The following CGNL1 variants were observed in gnomAD, a reference collection of about 807,000 sequenced individuals.
CGNL1 encodes cingulin-like protein 1.
A neutral mutation model predicts 141.2 loss-of-function variants in CGNL1; 132 were observed. The observed-to-expected ratio is 0.93, with a 90% CI of 0.81 to 1.08. The LOEUF (loss-of-function observed/expected upper bound fraction) is 1.08. CGNL1 is among the 50% of genes least tolerant of loss of function. The pLI is 0.00. For synonymous variants in CGNL1, 690 were observed against 622.1 expected (o/e 1.11, Z -1.63); for missense variants, 1,870 against 1,588.6 (o/e 1.18, Z -3.01).
Position 57,547,498 on chromosome 15 carries a change from C to T in CGNL1, c.*8C>T. 2 of 1,610,928 alleles carry T rather than the reference C, an allele frequency of 1.2e-6. No homozygotes were observed. Among genetic ancestry groups the T allele is most frequent in the Admixed American group, 1.7e-5 (1 of 59,428 alleles). ...GTCGCCAGCCAGATCTGAGTGCTCTCCCGGGCTGTGGAAGTACCTGTCATT... is the reference window on the plus strand; with the variant it reads ...GTCGCCAGCCAGATCTGAGTGCTCTTCCGGGCTGTGGAAGTACCTGTCATT... On this transcript the variant is annotated 3_prime_UTR_variant, in exon 19 of 19. Transcript: ENST00000281282.
chr15:57,500,667 G>A (rs576322860), intron 8 of CGNL1, among the ~76,000 whole-genome samples: 54 of 125,220 alleles, frequency 4.3e-4, no homozygotes, highest in African/African-American at 1.5e-3. Context: ...AAAAAAAAGC[G>A]TGGAGCGTTC....
chr15:57,470,255 T>C (rs1275871901), intron 8 of CGNL1, among the ~76,000 whole-genome samples: 1 of 81,302 alleles, frequency 1.2e-5, no homozygotes, highest in Non-Finnish European at 2.3e-5. Flanking sequence ...TTTTTGTCTC[T>C]CTTTTTTTTT....
chr15:57,420,584 C>T (rs2152282021), intron 1 of CGNL1, among the ~76,000 whole-genome samples: 1 of 152,284 alleles, frequency 6.6e-6, no homozygotes, highest in South Asian at 2.1e-4. Context: ...ATGCATTCCT[C>T]TATGGGAAAC....
intron 1 of CGNL1, among the ~76,000 whole-genome samples, chr15:57,415,910 G>A (rs2062843296): frequency 6.6e-6 from 1 of 152,236 alleles, no homozygotes; most frequent in Non-Finnish European, 1.5e-5. Context: ...CGAACCTCCA[G>A]TGGGATTAGA....
intron 1 of CGNL1, among the ~76,000 whole-genome samples, chr15:57,429,533 T>G (rs951836404): frequency 6.6e-6 from 1 of 151,812 alleles, no homozygotes; most frequent in South Asian, 2.1e-4. Flanking sequence ...TTATCTCTGG[T>G]TGGGAGGTTT....
chr15:57,387,683 G>A (rs1325432541), intron 1 of CGNL1, among the ~76,000 whole-genome samples: 2 of 152,204 alleles, frequency 1.3e-5, no homozygotes, highest in Non-Finnish European at 2.9e-5. Flanking sequence ...CCCACAATGA[G>A]AAGTGGCCCT....
chr15:57,467,415 G>A, intron 8 of CGNL1, among the ~76,000 whole-genome samples: 1 of 152,138 alleles, frequency 6.6e-6, no homozygotes, highest in Non-Finnish European at 1.5e-5. Flanking sequence ...TACAGCATGA[G>A]CAATACCTTG....
At chr15:57,381,008 G>A (rs1029425837) in intron 1 of CGNL1, among the ~76,000 whole-genome samples, 4 of 152,182 alleles carry the variant, frequency 2.6e-5, no homozygotes, top group African/African-American at 9.7e-5. Context: ...AGGCTTCCTT[G>A]GGCAGGCTGA....
At chr15:57,400,158 CA>C (rs1480794738) in intron 1 of CGNL1, among the ~76,000 whole-genome samples, 1 of 151,946 alleles carries the variant, frequency 6.6e-6, no homozygotes, top group Non-Finnish European at 1.5e-5. Context: ...CATGCCTAGC[CA>C]AGTTTTAAAT....
At chr15:57,380,722 C>A (rs1218925718) in intron 1 of CGNL1, among the ~76,000 whole-genome samples, 1 of 152,128 alleles carries the variant, frequency 6.6e-6, no homozygotes, top group Admixed American at 6.5e-5. Flanking sequence ...CAGATTCTGG[C>A]AGGTGTCTTT....
chr15:57,442,988 A>T (rs771684594), intron 4 of CGNL1, among the ~76,000 whole-genome samples: 1 of 152,244 alleles, frequency 6.6e-6, no homozygotes, highest in Non-Finnish European at 1.5e-5. Flanking sequence ...TAACAGGATG[A>T]TACAAACAGA....
At chr15:57,417,643 C>G (rs1490485554) in intron 1 of CGNL1, among the ~76,000 whole-genome samples, 1 of 144,364 alleles carries the variant, frequency 6.9e-6, no homozygotes, top group Admixed American at 7.0e-5. Flanking sequence ...TTTCAGATTG[C>G]TGGGGAAAAG....
At chr15:57,531,030 G>C (rs1365226564) in intron 13 of CGNL1, among the ~76,000 whole-genome samples, 1 of 152,206 alleles carries the variant, frequency 6.6e-6, no homozygotes, top group Non-Finnish European at 1.5e-5. Context: ...GTTTGTGTTA[G>C]AAGCCTCTTT....
chr15:57,466,120 G>T lies in CGNL1; in HGVS notation c.2403+4228G>T, dbSNP rs541950812. Among the ~76,000 whole-genome samples, 5 of 152,250 alleles carry T rather than the reference G, an allele frequency of 3.3e-5. No individual in the cohort carries two copies. In the East Asian group the frequency reaches 7.7e-4, roughly 24 times the overall value. ...TTAAGTTCTCTTCTTATAGAGAAAT[G>T]GATCTTCGTAGTCTGTTAGGAGAGT... On this transcript the variant is annotated intron_variant, in intron 8 of 18. Transcript: ENST00000281282.
At position 57,476,605 on chromosome 15, in the gene CGNL1, T is replaced by C. The variant is rs561133647; in HGVS notation, c.2403+14713T>C. Among the ~76,000 whole-genome samples, 49 of 152,242 alleles carry C rather than the reference T, an allele frequency of 3.2e-4. No homozygotes were observed. In the Middle Eastern group the frequency reaches 0.02, roughly 63 times the overall value. ...TCTGAAGTGATTAGATGTGGTTTAG[T>C]GAGTTTTAGCTACAGAGTAAGTCAT... On this transcript the variant is annotated intron_variant, in intron 8 of 18. Transcript: ENST00000281282.
intron 1 of CGNL1, among the ~76,000 whole-genome samples, chr15:57,416,485 T>C (rs2062850987): frequency 6.6e-6 from 1 of 152,164 alleles, no homozygotes; most frequent in Non-Finnish European, 1.5e-5. Context: ...CAGCATCCTC[T>C]CCTGACCCCT....
chr15:57,496,153 C>A (rs150619071), intron 8 of CGNL1, among the ~76,000 whole-genome samples: 1 of 152,134 alleles, frequency 6.6e-6, no homozygotes, highest in Non-Finnish European at 1.5e-5. Flanking sequence ...GCGACAAATA[C>A]ATTAAAAACA....
At chr15:57,404,833 T>G (rs2062697320) in intron 1 of CGNL1, among the ~76,000 whole-genome samples, 1 of 152,174 alleles carries the variant, frequency 6.6e-6, no homozygotes, top group Non-Finnish European at 1.5e-5. Context: ...GGAATCAAGT[T>G]CATGTGGAAT....
intron 1 of CGNL1, among the ~76,000 whole-genome samples, chr15:57,396,650 T>C (rs1161598833): frequency 1.3e-5 from 2 of 152,164 alleles, no homozygotes; most frequent in Non-Finnish European, 2.9e-5. Context: ...CACTGCTGGG[T>C]CTTAATAGGT....
Sources: gnomAD v4.1 joint callset for allele counts (sites outside exome capture counted in the v4.1 genomes callset) on GRCh38, gnomAD v4.1.1 for gene constraint, MANE v1.5 for transcripts, NCBI Gene and HGNC (gene_info 2026-07-23, HGNC 2026-07-21) for gene names.